CPNE4: variants seen among roughly 807,000 people sequenced by gnomAD.
The protein encoded by CPNE4 is copine-4.
A neutral mutation model predicts 67.9 loss-of-function variants in CPNE4; 25 were observed. The ratio of observed to expected loss-of-function variants is 0.37; its 90% CI spans 0.27 to 0.51. CPNE4 has a LOEUF of 0.51. Ranked by LOEUF, CPNE4 falls within the 20% of genes least tolerant of loss-of-function variation. The pLI, the probability that CPNE4 is intolerant of heterozygous loss-of-function variation, is 0.93. For synonymous variants in CPNE4, 242 were observed against 244.9 expected (o/e 0.99, Z 0.11); for missense variants, 464 against 690.8 (o/e 0.67, Z 3.68).
At chr3:131,932,916 G>T (rs1417023859) in intron 1 of CPNE4, among the ~76,000 whole-genome samples, 5 of 152,176 alleles carry the variant, frequency 3.3e-5, no homozygotes, top group African/African-American at 1.2e-4. Flanking sequence ...ACCTACTCGG[G>T]AGGCTGAGCC....
At chr3:131,771,962 C>T (rs562658912) in intron 2 of CPNE4, among the ~76,000 whole-genome samples, 98 of 152,264 alleles carry the variant, frequency 6.4e-4, no homozygotes, top group African/African-American at 2.2e-3. Flanking sequence ...CATACATTTA[C>T]ACTGAGTTCA....
At chr3:131,776,107 C>T (rs1356004606) in intron 2 of CPNE4, among the ~76,000 whole-genome samples, 1 of 152,150 alleles carries the variant, frequency 6.6e-6, no homozygotes, top group Non-Finnish European at 1.5e-5. Flanking sequence ...TCCCGGCTTA[C>T]CCTGGAGTAT....
chr3:131,808,597 T>G (rs1007540611), intron 2 of CPNE4, among the ~76,000 whole-genome samples: 2 of 152,146 alleles, frequency 1.3e-5, no homozygotes, highest in Non-Finnish European at 1.5e-5. Context: ...TTATCCTATA[T>G]CATTTGAATT....
At chr3:131,626,571 AGAATTT>A (rs994647280) in intron 7 of CPNE4, among the ~76,000 whole-genome samples, 2 of 152,230 alleles carry the variant, frequency 1.3e-5, no homozygotes, top group African/African-American at 4.8e-5. Context: ...TGAAGCTAGC[AGAATTT>A]GGTTCATGAG....
intron 7 of CPNE4, among the ~76,000 whole-genome samples, chr3:131,657,405 G>C (rs780378330): frequency 1.4e-4 from 21 of 152,158 alleles, no homozygotes; most frequent in Non-Finnish European, 2.8e-4. Flanking sequence ...TCATTTGATA[G>C]TTCAATGAGA....
chr3:131,617,544 A>C (rs1176644342), intron 7 of CPNE4, among the ~76,000 whole-genome samples: 2 of 152,196 alleles, frequency 1.3e-5, no homozygotes, highest in Non-Finnish European at 2.9e-5. Flanking sequence ...TAAATAATTT[A>C]TTTGAAAACA....
At chr3:131,995,662 C>T (rs1485947992) in intron 1 of CPNE4, among the ~76,000 whole-genome samples, 1 of 152,190 alleles carries the variant, frequency 6.6e-6, no homozygotes, top group Non-Finnish European at 1.5e-5. Context: ...TGGCGACTGC[C>T]TAGCAGTTGA....
At chr3:131,721,741 G>A (rs775358901) in intron 3 of CPNE4, among the ~76,000 whole-genome samples, 36 of 152,238 alleles carry the variant, frequency 2.4e-4, no homozygotes, top group Admixed American at 1.2e-3. Flanking sequence ...TTATGCATAG[G>A]AGGGATGCCC....
At chr3:131,787,428 G>T (rs2083596849) in intron 2 of CPNE4, among the ~76,000 whole-genome samples, 1 of 152,156 alleles carries the variant, frequency 6.6e-6, no homozygotes, top group Admixed American at 6.5e-5. Flanking sequence ...TGTCAGAATT[G>T]CTCTGTGTTA....
intron 13 of CPNE4, among the ~76,000 whole-genome samples, chr3:131,552,034 C>T (rs1481772674): frequency 6.8e-6 from 1 of 147,476 alleles, no homozygotes. Context: ...GTTCCCCCCT[C>T]TCCTTATATC....
chr3:131,951,247 G>A (rs1300704262), intron 1 of CPNE4, among the ~76,000 whole-genome samples: 1 of 152,094 alleles, frequency 6.6e-6, no homozygotes, highest in African/African-American at 2.4e-5. Flanking sequence ...TTATTATAAA[G>A]ATTGTGTTAT....
intron 7 of CPNE4, among the ~76,000 whole-genome samples, chr3:131,646,017 C>T (rs1053323846): frequency 1.3e-5 from 2 of 152,104 alleles, no homozygotes; most frequent in Admixed American, 6.6e-5. Context: ...GCAGGGGTTA[C>T]TTTGTTCAGA....
chr3:131,694,185 T>C (rs1370831216), intron 5 of CPNE4, among the ~76,000 whole-genome samples: 1 of 152,160 alleles, frequency 6.6e-6, no homozygotes, highest in Non-Finnish European at 1.5e-5. Flanking sequence ...TTCATGATAT[T>C]CATTAACATA....
chr3:131,670,380 T>C (rs920385068), intron 6 of CPNE4, among the ~76,000 whole-genome samples: 1 of 152,342 alleles, frequency 6.6e-6, no homozygotes, highest in Non-Finnish European at 1.5e-5. Flanking sequence ...TTATAAACTA[T>C]GTCTATAACA....
At chr3:131,956,435 A>G (rs1367886515) in intron 1 of CPNE4, among the ~76,000 whole-genome samples, 1 of 152,186 alleles carries the variant, frequency 6.6e-6, no homozygotes, top group African/African-American at 2.4e-5. Context: ...CTATAACTCC[A>G]TCGTCAATAA....
At chr3:131,977,342 T>A (rs2072688714) in intron 1 of CPNE4, among the ~76,000 whole-genome samples, 1 of 152,130 alleles carries the variant, frequency 6.6e-6, no homozygotes, top group African/African-American at 2.4e-5. Flanking sequence ...CATTTTGTTG[T>A]CACAGTAATA....
chr3:131,640,776 G>C (rs923694299), intron 7 of CPNE4, among the ~76,000 whole-genome samples: 1 of 152,004 alleles, frequency 6.6e-6, no homozygotes, highest in African/African-American at 2.4e-5. Context: ...ATACTATAAG[G>C]CCATAGTCAC....
intron 1 of CPNE4, among the ~76,000 whole-genome samples, chr3:131,998,614 C>T (rs1195372125): frequency 1.3e-5 from 2 of 152,078 alleles, no homozygotes; most frequent in African/African-American, 4.8e-5. Context: ...TTCAGAGTTG[C>T]ATTTTCTTAA....
At chr3:131,957,109 A>C (rs2072000317) in intron 1 of CPNE4, among the ~76,000 whole-genome samples, 1 of 152,184 alleles carries the variant, frequency 6.6e-6, no homozygotes, top group African/African-American at 2.4e-5. Flanking sequence ...TTGGGATGCA[A>C]AATAACCCCA....
Sources: allele counts gnomAD v4.1 joint callset (sites outside exome capture counted in the v4.1 genomes callset), GRCh38; gene constraint gnomAD v4.1.1; transcripts MANE v1.5; gene names NCBI Gene and HGNC (gene_info 2026-07-23, HGNC 2026-07-21).